FARS2: variants seen among roughly 807,000 people sequenced by gnomAD.
The protein encoded by FARS2 is phenylalanyl-tRNA synthetase 2, mitochondrial, also known as phenylalanine--tRNA ligase, mitochondrial.
FARS2 carries 40 observed loss-of-function variants against 46.4 expected under a neutral mutation model. The observed-to-expected ratio is 0.86, with a 90% CI of 0.67 to 1.12. The LOEUF (loss-of-function observed/expected upper bound fraction) is 1.12, where lower values mean the gene tolerates loss of function less well. Ranked by LOEUF, FARS2 falls within the 50% of genes most tolerant of loss-of-function variation. The pLI is 0.00. For synonymous variants in FARS2, 234 were observed against 214.9 expected, an observed-to-expected ratio of 1.09 and a Z score of -0.78; for missense variants, 513 against 567.9, an observed-to-expected ratio of 0.90 and a Z score of 0.98.
chr6:5,383,270 T>C (rs1562000346), intron 2 of FARS2, among the ~76,000 whole-genome samples: 1 of 152,374 alleles, frequency 6.6e-6, no homozygotes, highest in South Asian at 2.1e-4. Context: ...ATAGCCTCTA[T>C]TTGTACATAA....
At chr6:5,279,325 C>T (rs1266834411) in intron 1 of FARS2, among the ~76,000 whole-genome samples, 9 of 144,798 alleles carry the variant, frequency 6.2e-5, no homozygotes, top group Non-Finnish European at 9.0e-5. Context: ...TGCAGTGAGC[C>T]GATTGCACCA....
intron 5 of FARS2, among the ~76,000 whole-genome samples, chr6:5,548,891 T>A (rs1262497180): frequency 6.6e-6 from 1 of 152,258 alleles, no homozygotes; most frequent in East Asian, 1.9e-4. Context: ...TTAGGATTTG[T>A]ACATTCATAT....
intron 4 of FARS2, among the ~76,000 whole-genome samples, chr6:5,492,022 A>T (rs1470757167): frequency 1.3e-5 from 2 of 152,304 alleles, no homozygotes; most frequent in Middle Eastern, 3.4e-3. Flanking sequence ...CCAATATTAG[A>T]TCACTAAATG....
chr6:5,641,609 A>G (rs1776824591), intron 6 of FARS2, among the ~76,000 whole-genome samples: 1 of 152,182 alleles, frequency 6.6e-6, no homozygotes, highest in Non-Finnish European at 1.5e-5. Flanking sequence ...ACATGTCCAC[A>G]GTTCTAAGGA....
At chr6:5,756,324 A>T (rs1486783222) in intron 6 of FARS2, among the ~76,000 whole-genome samples, 1 of 152,200 alleles carries the variant, frequency 6.6e-6, no homozygotes, top group African/African-American at 2.4e-5. Context: ...ATATTGTATT[A>T]GTTCATTCTC....
chr6:5,694,608 G>A (rs760541719), intron 6 of FARS2, among the ~76,000 whole-genome samples: 2 of 152,078 alleles, frequency 1.3e-5, no homozygotes, highest in African/African-American at 2.4e-5. Flanking sequence ...TATTCAGCAC[G>A]ACCTTCAACC....
At chr6:5,383,705 G>A (rs1424738) in intron 2 of FARS2, among the ~76,000 whole-genome samples, 35,490 of 151,522 alleles carry the variant, frequency 0.23, 5,253 homozygotes, top group East Asian at 0.42. Flanking sequence ...ATCCATCTGA[G>A]CATTGTCAAT....
At position 5,341,212 on chromosome 6, in the gene FARS2, TATATATATATATA is replaced by T. The variant is rs1561969768; in HGVS notation, c.-21-27337_-21-27325del. Among the ~76,000 whole-genome samples, 54 of 6,492 alleles carry T rather than the reference TATATATATATATA, an allele frequency of 8.3e-3. 1 individual carries two copies. The highest frequency in any genetic ancestry group is 0.026 in the African/African-American group (50 of 1,960). 4.3% of individuals were successfully genotyped at this position (6,492 alleles called of 152,430 possible). A position where few individuals can be genotyped will look rare whatever the true frequency, so the allele number is the denominator to read the frequency against. On this transcript the variant is annotated intron_variant, in intron 1 of 6. Coordinates refer to ENST00000274680, the MANE Select transcript of FARS2 (RefSeq NM_006567.5). ...AGATATATATATATATATATATATA[TATATATATATATA>T]TATATATATATTTTTTTTTTTTTTT...
chr6:5,532,610 G>T (rs1480969079), intron 4 of FARS2, among the ~76,000 whole-genome samples: 3 of 152,162 alleles, frequency 2.0e-5, no homozygotes, highest in Non-Finnish European at 2.9e-5. Flanking sequence ...AATTAGCAGG[G>T]TGTGGTGATG....
intron 4 of FARS2, among the ~76,000 whole-genome samples, chr6:5,483,463 G>T (rs200190): frequency 0.51 from 76,839 of 151,754 alleles, 20,648 homozygotes; most frequent in African/African-American, 0.69. Flanking sequence ...AGGTCACGAG[G>T]TCAAGATCAG....
At chr6:5,506,697 G>C (rs1052466021) in intron 4 of FARS2, among the ~76,000 whole-genome samples, 1 of 152,194 alleles carries the variant, frequency 6.6e-6, no homozygotes, top group Non-Finnish European at 1.5e-5. Flanking sequence ...GCTTTGAGGG[G>C]AAAGAGCAGA....
intron 4 of FARS2, among the ~76,000 whole-genome samples, chr6:5,504,598 A>G (rs1767999282): frequency 6.6e-6 from 1 of 152,194 alleles, no homozygotes; most frequent in Non-Finnish European, 1.5e-5. Flanking sequence ...ACAAAATGCA[A>G]CATTAAGGAA....
chr6:5,709,701 CAT>C (rs1298446639), intron 6 of FARS2, among the ~76,000 whole-genome samples: 11 of 31,566 alleles, frequency 3.5e-4, no homozygotes, highest in South Asian at 8.4e-4. Context: ...TGTGTGTGCG[CAT>C]GCACGTGCAT....
intron 1 of FARS2, among the ~76,000 whole-genome samples, chr6:5,354,236 A>T (rs545081024): frequency 6.6e-6 from 1 of 152,086 alleles, no homozygotes; most frequent in Non-Finnish European, 1.5e-5. Context: ...AGTTCTCATG[A>T]GCTTAATTAT....
intron 6 of FARS2, among the ~76,000 whole-genome samples, chr6:5,663,472 G>A (rs1290870467): frequency 6.6e-6 from 1 of 152,158 alleles, no homozygotes; most frequent in East Asian, 1.9e-4. Flanking sequence ...CATTGGACAG[G>A]GCTTGCCTTT....
intron 6 of FARS2, among the ~76,000 whole-genome samples, chr6:5,711,286 G>T (rs1295839378): frequency 3.1e-5 from 4 of 129,760 alleles, no homozygotes; most frequent in Non-Finnish European, 6.6e-5. Context: ...AATGAATGCG[G>T]GATGGATGAA....
At chr6:5,270,400 G>A (rs1294754249) in intron 1 of FARS2, among the ~76,000 whole-genome samples, 1 of 152,158 alleles carries the variant, frequency 6.6e-6, no homozygotes, top group Non-Finnish European at 1.5e-5. Flanking sequence ...TAGAGCCCAG[G>A]TCTTCAAATA....
chr6:5,722,964 A>G (rs1760006795), intron 6 of FARS2, among the ~76,000 whole-genome samples: 1 of 152,250 alleles, frequency 6.6e-6, no homozygotes, highest in Non-Finnish European at 1.5e-5. Flanking sequence ...CCTCAGAGCT[A>G]TCTACAAAGG....
intron 6 of FARS2, among the ~76,000 whole-genome samples, chr6:5,747,504 GAAGT>G (rs1318619781): frequency 6.6e-6 from 1 of 152,210 alleles, no homozygotes; most frequent in African/African-American, 2.4e-5. Flanking sequence ...TGTAGGGTGT[GAAGT>G]AAGTGACACC....
Sources: gnomAD v4.1 joint callset for allele counts (sites outside exome capture counted in the v4.1 genomes callset) on GRCh38, gnomAD v4.1.1 for gene constraint, MANE v1.5 for transcripts, NCBI Gene and HGNC (gene_info 2026-07-23, HGNC 2026-07-21) for gene names.